Variants in PPFIBP1 observed in about 807,000 individuals in gnomAD.
PPFIBP1 encodes PPFIB scaffold protein 1.
Under a neutral mutation model 137.8 loss-of-function variants are expected in PPFIBP1, and 112 were observed. The observed-to-expected ratio is 0.81, with a 90% CI of 0.70 to 0.95. The LOEUF (loss-of-function observed/expected upper bound fraction) is 0.95. PPFIBP1 is among the 40% of genes least tolerant of loss of function. PPFIBP1 has a pLI of 0.00. For missense variants in PPFIBP1, 1,083 were observed against 1,196.6 expected (o/e 0.91, Z 1.40); for synonymous variants, 378 against 417.3 (o/e 0.91, Z 1.15).
At chr12:27,653,339 A>G (rs566832856) in intron 7 of PPFIBP1, among the ~76,000 whole-genome samples, 2 of 152,262 alleles carry the variant, frequency 1.3e-5, no homozygotes, top group African/African-American at 4.8e-5. Flanking sequence ...TAATCCCAAC[A>G]CTTAGGGAGT....
chr12:27,541,929 G>A (rs964235649), intron 1 of PPFIBP1, among the ~76,000 whole-genome samples: 26 of 152,048 alleles, frequency 1.7e-4, no homozygotes, highest in Admixed American at 1.4e-3. Flanking sequence ...TTAGGCAGAG[G>A]GTGGCACCAA....
At chr12:27,578,723 T>C (rs1413751805) in intron 2 of PPFIBP1, among the ~76,000 whole-genome samples, 1 of 152,238 alleles carries the variant, frequency 6.6e-6, no homozygotes, top group Non-Finnish European at 1.5e-5. Flanking sequence ...ATAACTACTA[T>C]TTATTGAGCT....
intron 10 of PPFIBP1, 71 bp from the exon 11 acceptor site, chr12:27,660,813 G>T: frequency 1.3e-6 from 2 of 1,552,836 alleles, no homozygotes; most frequent in South Asian, 2.5e-5. Context: ...TTTCAGTCTG[G>T]AGAGTAAATA....
rs187207107 is a variant in PPFIBP1 at position 27,649,602 on chromosome 12, G to C, written c.472-408G>C. On this transcript the variant is annotated intron_variant, in intron 6 of 29. Coordinates refer to ENST00000228425, the MANE Select transcript of PPFIBP1 (RefSeq NM_003622.4). Reference sequence around the variant, plus strand: ...ATCTCTGTCTGTTGCCCAGGCTGGAGTGCAATGGTGCGATCTCCGCTCCCT... The same window carrying C: ...ATCTCTGTCTGTTGCCCAGGCTGGACTGCAATGGTGCGATCTCCGCTCCCT... 1.3e-3 allele frequency among the ~76,000 whole-genome samples: 201 copies of C among 152,142 alleles called. 2 individuals are homozygous for C. The highest frequency in any genetic ancestry group is 6.3e-4 in the Non-Finnish European group (43 of 67,998).
intron 2 of PPFIBP1, 129 bp from the exon 3 acceptor site, chr12:27,633,233 T>C: frequency 1.6e-6 from 1 of 633,750 alleles, no homozygotes; most frequent in Non-Finnish European, 2.8e-6. Context: ...CACAGCTTGC[T>C]ACTCCACTAC....
At chr12:27,547,890 C>A (rs73091434) in intron 1 of PPFIBP1, 23,332 of 152,134 alleles carry the variant, frequency 0.15, 2,073 homozygotes, top group Middle Eastern at 0.27. Flanking sequence ...CTAAAAAGGA[C>A]GTCTGGGTGG....
chr12:27,609,678 A>G (rs940058044), intron 2 of PPFIBP1, among the ~76,000 whole-genome samples: 5 of 152,092 alleles, frequency 3.3e-5, no homozygotes, highest in African/African-American at 9.7e-5. Flanking sequence ...TCAGTTCTCA[A>G]AATGGTCCCA....
chr12:27,676,929 G>A (rs769005227), intron 18 of PPFIBP1, 135 bp from the exon 19 acceptor site: 50 of 1,090,576 alleles, frequency 4.6e-5, no homozygotes, highest in Non-Finnish European at 6.6e-5. Context: ...AACATCAGAA[G>A]CACTGTGTGC....
intron 1 of PPFIBP1, among the ~76,000 whole-genome samples, chr12:27,541,410 A>G (rs550366103): frequency 1.3e-5 from 2 of 151,410 alleles, no homozygotes; most frequent in South Asian, 4.2e-4. Context: ...GAAACATCTG[A>G]GTGACTGAAA....
intron 2 of PPFIBP1, among the ~76,000 whole-genome samples, chr12:27,578,995 A>G (rs2050820253): frequency 6.6e-6 from 1 of 152,234 alleles, no homozygotes; most frequent in South Asian, 2.1e-4. Flanking sequence ...GCGTGCTTAG[A>G]TGCTTTTCCT....
chr12:27,619,899 A>G (rs772544506), intron 2 of PPFIBP1, among the ~76,000 whole-genome samples: 5 of 151,822 alleles, frequency 3.3e-5, no homozygotes, highest in Non-Finnish European at 7.4e-5. Context: ...AATATATAGC[A>G]ATATGCGTTT....
chr12:27,594,389 G>GCTGGT (rs2052937931), intron 2 of PPFIBP1, among the ~76,000 whole-genome samples: 2 of 152,038 alleles, frequency 1.3e-5, no homozygotes, highest in Non-Finnish European at 2.9e-5. Context: ...TGTTGCCCAG[G>GCTGGT]CTGGTTTTGA....
intron 12 of PPFIBP1, among the ~76,000 whole-genome samples, chr12:27,665,145 G>A (rs547730064): frequency 2.0e-5 from 3 of 152,226 alleles, no homozygotes; most frequent in African/African-American, 7.2e-5. Context: ...CCGAGATTGC[G>A]CCATTGCACT....
At chr12:27,531,396 G>A (rs1054361516) in intron 1 of PPFIBP1, among the ~76,000 whole-genome samples, 6 of 152,038 alleles carry the variant, frequency 3.9e-5, no homozygotes, top group African/African-American at 4.8e-5. Flanking sequence ...GGGTTCAAGC[G>A]ATTCTCCAGC....
At position 27,672,384 on chromosome 12, in the gene PPFIBP1, T is replaced by C. The variant is rs1239993853; in HGVS notation, c.1263-43T>C. 3 of 1,491,646 alleles carry C rather than the reference T, an allele frequency of 2.0e-6. No homozygotes were observed. The Admixed American group carries it at 5.3e-5, about 26-fold the overall frequency. The allele number at this position is 1,491,646 out of a possible 1,614,324, so 92.4% of individuals were successfully genotyped here. On this transcript the variant is annotated intron_variant, in intron 14 of 29. Transcript: ENST00000228425. ...TTCACTTAGAACATATATGGTCTTTTATTCGTGAAGTTAATAAATACCTTT... is the reference window on the plus strand; with the variant it reads ...TTCACTTAGAACATATATGGTCTTTCATTCGTGAAGTTAATAAATACCTTT...
intron 2 of PPFIBP1, among the ~76,000 whole-genome samples, chr12:27,614,135 T>C (rs1448721604): frequency 6.6e-6 from 1 of 152,034 alleles, no homozygotes; most frequent in Non-Finnish European, 1.5e-5. Flanking sequence ...CCCAGCACTT[T>C]TGGAGGCTGA....
Position 27,578,693 on chromosome 12 carries a change from A to G in PPFIBP1, c.-36+454A>G, listed in dbSNP as rs182614051. ...AGGCATATTTACCCACTTTCTCCCT[A>G]TTTCTCTTGCTCAGTAATAATAACT... On this transcript the variant is annotated intron_variant, in intron 2 of 29. Coordinates refer to ENST00000228425, the MANE Select transcript of PPFIBP1 (RefSeq NM_003622.4). 6.7e-4 allele frequency among the ~76,000 whole-genome samples: 102 copies of G among 152,278 alleles called. 1 individual carries two copies. The highest frequency in any genetic ancestry group is 3.4e-3 in the Middle Eastern group (1 of 294).
chr12:27,616,491 G>C (rs1182256892), intron 2 of PPFIBP1, among the ~76,000 whole-genome samples: 2 of 152,156 alleles, frequency 1.3e-5, no homozygotes, highest in Non-Finnish European at 2.9e-5. Context: ...ATTGTGGAGA[G>C]TAAGCACTGG....
At chr12:27,661,445 A>G (rs1452011357) in intron 11 of PPFIBP1, among the ~76,000 whole-genome samples, 1 of 146,746 alleles carries the variant, frequency 6.8e-6, no homozygotes, top group East Asian at 2.0e-4. Context: ...CGTTAGCTAC[A>G]CTGGCTGCAT....
Sources: allele counts gnomAD v4.1 joint callset (sites outside exome capture counted in the v4.1 genomes callset), GRCh38; gene constraint gnomAD v4.1.1; transcripts MANE v1.5; gene names NCBI Gene and HGNC (gene_info 2026-07-23, HGNC 2026-07-21).